Variants in MTUS2 observed in about 807,000 individuals in gnomAD.
MTUS2 encodes microtubule associated scaffold protein 2, also known as microtubule-associated tumor suppressor candidate 2.
In MTUS2, 40 loss-of-function variants were observed where a neutral mutation model predicts 114.1. The observed-to-expected ratio is 0.35, with a 90% CI of 0.27 to 0.46. The LOEUF is 0.46. Ranked by LOEUF, MTUS2 falls within the 20% of genes least tolerant of loss-of-function variation. The pLI is 1.00. For synonymous variants in MTUS2, 688 were observed against 672.0 expected (o/e 1.02, Z -0.37); for missense variants, 1,679 against 1,705.4 (o/e 0.98, Z 0.27).
chr13:29,008,218 A>T (rs1593378204), intron 2 of MTUS2, among the ~76,000 whole-genome samples: 1 of 152,162 alleles, frequency 6.6e-6, no homozygotes, highest in Non-Finnish European at 1.5e-5. Context: ...TCCTGCCCTG[A>T]GGGGAAAAGC....
chr13:28,865,289 T>TTTAAAGAA (rs1180732374), intron 2 of MTUS2, among the ~76,000 whole-genome samples: 1 of 152,124 alleles, frequency 6.6e-6, no homozygotes, highest in East Asian at 1.9e-4. Flanking sequence ...GGTACAGAGG[T>TTTAAAGAA]CCATGATTTA....
At chr13:28,881,734 A>G (rs1216934157) in intron 2 of MTUS2, among the ~76,000 whole-genome samples, 1 of 152,158 alleles carries the variant, frequency 6.6e-6, no homozygotes, top group Non-Finnish European at 1.5e-5. Flanking sequence ...ATTAGTAACG[A>G]TGAGCATTTT....
chr13:29,381,787 G>C (rs1328373878), intron 8 of MTUS2, among the ~76,000 whole-genome samples: 1 of 152,146 alleles, frequency 6.6e-6, no homozygotes, highest in Non-Finnish European at 1.5e-5. Flanking sequence ...ACCCTCATCT[G>C]CACAGACCCT....
chr13:29,406,860 A>G (rs4287414), intron 8 of MTUS2, among the ~76,000 whole-genome samples: 145,426 of 152,346 alleles, frequency 0.95, 69,792 homozygotes, highest in East Asian at 1. Flanking sequence ...AAATGTTTCT[A>G]GGTTGATACA....
At position 29,389,297 on chromosome 13, in the gene MTUS2, G is replaced by GTA. The variant is rs1479443339; in HGVS notation, c.3117+29828_3117+29829dup. 2.7e-3 allele frequency among the ~76,000 whole-genome samples: 382 copies of GTA among 142,864 alleles called. 20 individuals carry two copies. The highest frequency in any genetic ancestry group is 9.8e-3 in the African/African-American group (360 of 36,908). The allele number at this position is 142,864 out of a possible 152,430, so 93.7% of individuals were successfully genotyped here. A position where few individuals can be genotyped will look rare whatever the true frequency, so the allele number is the denominator to read the frequency against. On this transcript the variant is annotated intron_variant, in intron 8 of 15. Coordinates refer to ENST00000612955, the MANE Select transcript of MTUS2 (RefSeq NM_001033602.4). ...TGTATATATGTATACACATATGTGTGTATATGTGTATATATGTATACACAT... is the reference window on the plus strand; with the variant it reads ...TGTATATATGTATACACATATGTGTGTATATATGTGTATATATGTATACACAT...
chr13:29,026,616 G>A lies in MTUS2; in HGVS notation c.1918G>A (p.Val640Met). The change falls in exon 3 of 16, where the codon GTG (valine) becomes ATG (methionine). Residue 640 changes from valine to methionine, a missense_variant. Val to Met is a conservative substitution (Grantham distance 21, BLOSUM62 1). This residue lies in a region of MTUS2 where 14 missense variants were observed against 34.9 expected (regional missense o/e 0.40). Transcript: ENST00000612955. ...KPIIMPKPKHVRPKIITYIRR... is the reference protein window; with the variant it reads ...KPIIMPKPKHMRPKIITYIRR... ...CATCATTATGCCCAAGCCCAAGCAT[G>A]TGAGGCCCAAGATCATCACCTACAT... The A allele has an allele frequency of 6.2e-7, 1 of 1,614,016 alleles. No individual in the cohort carries two copies. Among genetic ancestry groups the A allele is most frequent in the Non-Finnish European group, 8.5e-7 (1 of 1,179,892 alleles).
intron 2 of MTUS2, among the ~76,000 whole-genome samples, chr13:28,925,194 A>G (rs986972774): frequency 6.6e-6 from 1 of 152,136 alleles, no homozygotes; most frequent in Admixed American, 6.5e-5. Flanking sequence ...ATTATCTGAC[A>G]CAAGAAGCTG....
chr13:28,976,203 C>CAAAAAAAAAAAAAAAAAAAA (rs71090215), intron 2 of MTUS2, among the ~76,000 whole-genome samples: 1 of 90,158 alleles, frequency 1.1e-5, no homozygotes, highest in Non-Finnish European at 2.2e-5. Flanking sequence ...GACCTTGTCT[C>CAAAAAAAAAAAAAAAAAAAA]AAAAAAAAAA....
intron 2 of MTUS2, among the ~76,000 whole-genome samples, chr13:28,851,367 T>A (rs1876254721): frequency 6.6e-6 from 1 of 152,244 alleles, no homozygotes. Flanking sequence ...AAGTGACCAG[T>A]GGTTCCCAAA....
chr13:29,091,120 G>A (rs534618072), intron 4 of MTUS2, among the ~76,000 whole-genome samples: 191 of 151,954 alleles, frequency 1.3e-3, no homozygotes, highest in African/African-American at 4.2e-3. Context: ...TTCCTCTATT[G>A]ATTCTGGATG....
intron 2 of MTUS2, among the ~76,000 whole-genome samples, chr13:28,894,285 G>GGC (rs1566203523): frequency 9.1e-5 from 3 of 33,078 alleles, no homozygotes; most frequent in African/African-American, 7.0e-4. Context: ...TTGGTGGGGG[G>GGC]GGGGGAGAGA....
At chr13:28,875,412 TTAGA>T in intron 2 of MTUS2, among the ~76,000 whole-genome samples, 1 of 152,380 alleles carries the variant, frequency 6.6e-6, no homozygotes, top group East Asian at 1.9e-4. Flanking sequence ...AGCTCCAAAC[TTAGA>T]TAAAGTGGAT....
At chr13:29,193,353 C>T (rs1271204477) in intron 5 of MTUS2, among the ~76,000 whole-genome samples, 1 of 151,994 alleles carries the variant, frequency 6.6e-6, no homozygotes, top group African/African-American at 2.4e-5. Context: ...TTAAGAGCTA[C>T]AGTAGTCATG....
intron 6 of MTUS2, among the ~76,000 whole-genome samples, chr13:29,302,626 G>A (rs1899255972): frequency 6.6e-6 from 1 of 152,220 alleles, no homozygotes; most frequent in Non-Finnish European, 1.5e-5. Flanking sequence ...GTCCCAGTCA[G>A]CCCAGCACTG....
chr13:28,868,325 C>A (rs956268817), intron 2 of MTUS2, among the ~76,000 whole-genome samples: 1 of 152,096 alleles, frequency 6.6e-6, no homozygotes, highest in African/African-American at 2.4e-5. Context: ...TAGCTCTCAC[C>A]CTGAGTTATC....
intron 5 of MTUS2, among the ~76,000 whole-genome samples, chr13:29,107,241 T>C (rs1212309951): frequency 6.6e-6 from 1 of 152,110 alleles, no homozygotes; most frequent in Non-Finnish European, 1.5e-5. Flanking sequence ...TGTTTTTATG[T>C]CCTCTCTCCC....
Position 29,166,893 on chromosome 13 carries a change from C to T in MTUS2, c.2644+65923C>T, listed in dbSNP as rs753520528. Among the ~76,000 whole-genome samples, 99 of 152,246 alleles carry T rather than the reference C, an allele frequency of 6.5e-4. 1 individual carries two copies. Among genetic ancestry groups the T allele is most frequent in the Non-Finnish European group, 1.1e-3 (76 of 68,012 alleles). On this transcript the variant is annotated intron_variant, in intron 5 of 15. Coordinates refer to ENST00000612955, the MANE Select transcript of MTUS2 (RefSeq NM_001033602.4). ...TCATGTTTTTAAAGTAAATGTATTT[C>T]GGTTGCTTTTCAGTATGCTCCTACT... is the stretch of plus-strand genomic sequence containing the variant.
intron 5 of MTUS2, among the ~76,000 whole-genome samples, chr13:29,111,059 C>T (rs1890864594): frequency 6.6e-6 from 1 of 152,128 alleles, no homozygotes. Context: ...TTTGGGCTCT[C>T]AAGAGCTGGT....
At chr13:29,106,899 C>T (rs1387804812) in intron 5 of MTUS2, among the ~76,000 whole-genome samples, 2 of 152,058 alleles carry the variant, frequency 1.3e-5, no homozygotes, top group Non-Finnish European at 2.9e-5. Flanking sequence ...TGACCTGGCC[C>T]TCCCACCTTC....
Sources: allele counts gnomAD v4.1 joint callset (sites outside exome capture counted in the v4.1 genomes callset), GRCh38; gene constraint gnomAD v4.1.1; regional missense constraint gnomAD v4.1.1; transcripts MANE v1.5; gene names NCBI Gene and HGNC (gene_info 2026-07-23, HGNC 2026-07-21).